The following CELSR3 variants were observed in gnomAD, a reference collection of about 807,000 sequenced individuals.
CELSR3 encodes EGF-like protein 1.
Under a neutral mutation model 270.0 loss-of-function variants are expected in CELSR3, and 73 were observed. The observed-to-expected ratio is 0.27, with a 90% CI of 0.22 to 0.33. CELSR3 has a LOEUF of 0.33. Among genes scored for constraint, CELSR3 ranks in the 10% least tolerant of loss-of-function variants. The pLI, the probability that CELSR3 is intolerant of heterozygous loss-of-function variation, is 1.00. For missense variants in CELSR3, 3,614 were observed against 4,533.8 expected, an observed-to-expected ratio of 0.80 and a Z score of 5.83; for synonymous variants, 1,780 against 1,905.4, an observed-to-expected ratio of 0.93 and a Z score of 1.71.
rs1209811380 is a variant in CELSR3 at position 48,645,856 on chromosome 3, A to C, written c.7476T>G (p.His2492Gln). 6.2e-7 allele frequency: 1 copy of C among 1,601,958 alleles called. No homozygotes were observed. Among genetic ancestry groups the C allele is most frequent in the Admixed American group, 1.7e-5 (1 of 59,860 alleles). ...CGCAGTCCCGTGCTGTCCACACACC[A>C]TGCTGCTCCGCCCTGCAGCCACAGG... The part of the protein sequence containing the change: ...QWDPPGLAEQ[H>Q]GVWTARDCEL... The change falls in exon 23 of 35, where the codon CAT (histidine) becomes CAG (glutamine). Residue 2492 changes from histidine to glutamine, a missense_variant. Physicochemically the swap from His to Gln is conservative, Grantham distance 24 (BLOSUM62 0). Coordinates refer to ENST00000164024, the MANE Select transcript of CELSR3 (RefSeq NM_001407.3). The surrounding 1 kb of genome is among the most constrained non-coding windows in gnomAD (Gnocchi z 5.4).
In CELSR3 at chr3:48,640,382, G is replaced by A; in HGVS notation, c.9203C>T (p.Ser3068Phe). Residue 3068 changes from serine (S) to phenylalanine (F), a missense_variant, in exon 34 of 35, where the codon TCT becomes TTT. Transcript: ENST00000164024. The surrounding 1 kb of genome is among the most constrained non-coding windows in gnomAD (Gnocchi z 7.5). The part of the protein sequence containing the change: ...SLSQPASRYS[S>F]REQLDLLLRR... The stretch of plus-strand genomic sequence containing the variant: ...GAGGAGCAGGTCCAGCTGTTCTCTA[G>A]AAGAGTAGCGGCTGGCTGGCTGTGA... The A allele has an allele frequency of 1.2e-6, 2 of 1,612,770 alleles. No individual in the cohort carries two copies. The highest frequency in any genetic ancestry group is 1.7e-6 in the Non-Finnish European group (2 of 1,179,988).
At position 48,659,593 on chromosome 3, in the gene CELSR3, G is replaced by C; in HGVS notation, c.3042C>G (p.Pro1014=). ...EDGDGDFTIE[P]TSGIVRTVRR... ...TTACTGTACGGACAATTCCAGAGGT[G>C]GGCTCAATGGTAAAATCTCCATCCC... Residue 1014 remains proline (P), a synonymous_variant, in exon 1 of 35, where the codon CCC becomes CCG. Coordinates refer to ENST00000164024, the MANE Select transcript of CELSR3 (RefSeq NM_001407.3). The surrounding 1 kb of genome is among the most constrained non-coding windows in gnomAD (Gnocchi z 8.1). The C allele has an allele frequency of 6.2e-7, 1 of 1,614,162 alleles. No individual in the cohort carries two copies. Among genetic ancestry groups the C allele is most frequent in the South Asian group, 1.1e-5 (1 of 91,086 alleles).
rs2047039604 is a variant in CELSR3, at chr3:48,642,669, C to G, written c.8555+67G>C. 6.4e-7 allele frequency: 1 copy of G among 1,558,084 alleles called. No individual in the cohort carries two copies. On this transcript the variant is annotated intron_variant, in intron 30 of 34. Transcript: ENST00000164024. This position sits in a 1 kb window ranked among gnomAD's most constrained non-coding sequence, Gnocchi z 6.1. ...GCCACCCGCCCTAGGACCTGGTCAG[C>G]CAAGCCCTGGTAAGGTGGGGCTGGA...
Position 48,645,551 on chromosome 3 carries a change from G to A in CELSR3, c.7689C>T (p.Ser2563=). The A allele has an allele frequency of 3.1e-6, 5 of 1,612,678 alleles. No homozygotes were observed. Among genetic ancestry groups the A allele is most frequent in the Non-Finnish European group, 4.2e-6 (5 of 1,179,988 alleles). ...ALVLTAAILL[S]LRSLKSNVRG... ...GCACATTGGACTTGAGGCTGCGCAG[G>A]CTCAGCAGGATGGCTGCAGTCAGCA... is the stretch of plus-strand genomic sequence containing the variant. Residue 2563 remains serine (S), a synonymous_variant, in exon 24 of 35, where the codon AGC becomes AGT. Transcript: ENST00000164024. The surrounding 1 kb of genome is among the most constrained non-coding windows in gnomAD (Gnocchi z 5.4).
intron 19 of CELSR3, 99 bp downstream of exon 19, chr3:48,648,167 T>C (rs2047104494): frequency 7.0e-7 from 1 of 1,423,446 alleles, no homozygotes; most frequent in South Asian, 1.3e-5. Context: ...TCTCCTGCCA[T>C]TAACATTGGC....
rs1575540503 is a variant in CELSR3 at position 48,646,285 on chromosome 3, C to T, written c.7296-28G>A. 22 of 1,591,346 alleles carry T rather than the reference C, an allele frequency of 1.4e-5. No individual in the cohort carries two copies. The East Asian group carries it at 4.5e-4, about 33-fold the overall frequency. Reference sequence around the variant, plus strand: ...GGGGAGACACCCATCTGGGCTTACGCACTGCTGACCTCCCCATGCTCAGCC... The same window carrying T: ...GGGGAGACACCCATCTGGGCTTACGTACTGCTGACCTCCCCATGCTCAGCC... On this transcript the variant is annotated intron_variant, in intron 21 of 34. Coordinates refer to ENST00000164024, the MANE Select transcript of CELSR3 (RefSeq NM_001407.3). The surrounding 1 kb of genome is among the most constrained non-coding windows in gnomAD (Gnocchi z 4.8).
chr3:48,646,114 C>G lies in CELSR3; in HGVS notation c.7439G>C (p.Cys2480Ser). Residue 2480 changes from cysteine (C) to serine (S), a missense_variant, in exon 22 of 35, where the codon TGT becomes TCT. By Grantham distance (112) the Cys-to-Ser change is moderately radical. Transcript: ENST00000164024. The surrounding 1 kb of genome is among the most constrained non-coding windows in gnomAD (Gnocchi z 4.8). The part of the protein sequence containing the change: ...LQTANRSKAI[C>S]VQWDPPGLAE... ...CAGGCCAGGTGGGTCCCACTGCACA[C>G]AGATCGCCTTGCTCCGATTCGCTGT... 6.2e-7 allele frequency: 1 copy of G among 1,612,900 alleles called. No homozygotes were observed. The highest frequency in any genetic ancestry group is 8.5e-7 in the Non-Finnish European group (1 of 1,179,882).
rs779078615 is a variant in CELSR3 at position 48,656,885 on chromosome 3, G to A, written c.4212C>T (p.Ala1404=). 7.5e-6 allele frequency: 12 copies of A among 1,609,332 alleles called. No homozygotes were observed. In the African/African-American group the frequency reaches 1.3e-4, roughly 18 times the overall value. Residue 1404 remains alanine, a synonymous_variant, in exon 2 of 35, where the codon GCC becomes GCT. Transcript: ENST00000164024. ...TGGGTCGGAACAGCGTGGAGGCCGAGGCCAGGAAGGGCGCGGACGAGTCAA... is the reference window on the plus strand; with the variant it reads ...TGGGTCGGAACAGCGTGGAGGCCGAAGCCAGGAAGGGCGCGGACGAGTCAA... ...LRFDSSAPFL[A]SASTLFRPIQ... is the part of the protein sequence containing the mutation.
chr3:48,647,794 G>A, intron 20 of CELSR3, 47 bp downstream of exon 20: 1 of 1,583,852 alleles, frequency 6.3e-7, no homozygotes, highest in Non-Finnish European at 8.6e-7. Flanking sequence ...CTGGTTGGGG[G>A]GACAGAGAGA....
At position 48,646,100 on chromosome 3, in the gene CELSR3, G is replaced by C. The variant is rs768390556; in HGVS notation, c.7453C>G (p.Pro2485Ala). The C allele has an allele frequency of 3.1e-6, 5 of 1,612,686 alleles. No homozygotes were observed. The South Asian group carries it at 5.5e-5, about 18-fold the overall frequency. ...AATGGGGGTCCTCACAGGCCAGGTG[G>C]GTCCCACTGCACACAGATCGCCTTG... is the stretch of plus-strand genomic sequence containing the variant. ...RSKAICVQWD[P>A]PGLAEQHGVW... The change falls in exon 22 of 35, where the codon CCA becomes GCA. Residue 2485 changes from proline to alanine, a missense_variant. Physicochemically the swap from Pro to Ala is conservative, Grantham distance 27. Transcript: ENST00000164024. The surrounding 1 kb of genome is among the most constrained non-coding windows in gnomAD (Gnocchi z 4.8).
At chr3:48,649,906 G>T (rs2047122253) in intron 16 of CELSR3, among the ~76,000 whole-genome samples, 1 of 152,166 alleles carries the variant, frequency 6.6e-6, no homozygotes, top group Admixed American at 6.5e-5. Flanking sequence ...CCACTGCAGA[G>T]ACCTCAAGCA....
chr3:48,645,986 G>A lies in CELSR3; in HGVS notation c.7463+104C>T, dbSNP rs1037966636. The A allele has an allele frequency of 1.8e-5, 29 of 1,576,288 alleles. No homozygotes were observed. Among genetic ancestry groups the A allele is most frequent in the African/African-American group, 2.7e-5 (2 of 74,060 alleles). On this transcript the variant is annotated intron_variant, in intron 22 of 34. Coordinates refer to ENST00000164024, the MANE Select transcript of CELSR3 (RefSeq NM_001407.3). This position sits in a 1 kb window ranked among gnomAD's most constrained non-coding sequence, Gnocchi z 5.4. Reference sequence around the variant, plus strand: ...GGGGTACAGCATTCCTCATGGTCCGGGTTGCACAACAGCACTAGTGGGGGC... The same window carrying A: ...GGGGTACAGCATTCCTCATGGTCCGAGTTGCACAACAGCACTAGTGGGGGC...
chr3:48,656,831 G>A lies in CELSR3; in HGVS notation c.4266C>T (p.Arg1422=). The change falls in exon 2 of 35, where the codon CGC becomes CGT. Residue 1422 remains arginine, a synonymous_variant. Transcript: ENST00000164024. ...PIQPIAGLRC[R]CPPGFTGDFC... ...AGTCTCCCGTGAATCCGGGCGGGCA[G>A]CGGCAGCGCAGGCCAGCGATGGGCT... 6.2e-7 allele frequency: 1 copy of A among 1,608,330 alleles called. No homozygotes were observed. Among genetic ancestry groups the A allele is most frequent in the Non-Finnish European group, 8.5e-7 (1 of 1,177,202 alleles).
rs753332230 is a variant in CELSR3 at position 48,640,278 on chromosome 3, C to A, written c.9307G>T (p.Glu3103Ter). ...CGGCCTGGTGCAGCATCCATGCATT[C>A]CTGGGACCCTGGCCGGCTCAGGGGA... ...LRPLSRPGSQECMDAAPGRLE... is the reference protein window; with the variant it reads ...LRPLSRPGSQ Residue 3103 changes from glutamate (E) to a stop codon, truncating the protein, a stop_gained, in exon 34 of 35, where the codon GAA (glutamate) becomes TAA (stop). Coordinates refer to ENST00000164024, the MANE Select transcript of CELSR3 (RefSeq NM_001407.3). LOFTEE classifies it high-confidence loss of function. The surrounding 1 kb of genome is among the most constrained non-coding windows in gnomAD (Gnocchi z 7.5). 5 of 1,612,866 alleles carry A rather than the reference C, an allele frequency of 3.1e-6. No homozygotes were observed. Among genetic ancestry groups the A allele is most frequent in the Non-Finnish European group, 4.2e-6 (5 of 1,179,994 alleles).
At position 48,646,166 on chromosome 3, in the gene CELSR3, T is replaced by C. The variant is rs2047081902; in HGVS notation, c.7387A>G (p.Ile2463Val). The C allele has an allele frequency of 6.2e-7, 1 of 1,612,712 alleles. No individual in the cohort carries two copies. The highest frequency in any genetic ancestry group is 1.7e-5 in the Admixed American group (1 of 59,980). Residue 2463 changes from isoleucine to valine, a missense_variant, in exon 22 of 35, where the codon ATC becomes GTC. Around this residue, in one of 7 missense-constraint regions of CELSR3, gnomAD observed 1,240 missense variants for 1,351.7 expected, o/e 0.92. Coordinates refer to ENST00000164024, the MANE Select transcript of CELSR3 (RefSeq NM_001407.3). This position sits in a 1 kb window ranked among gnomAD's most constrained non-coding sequence, Gnocchi z 4.8. ...NFLRGILESP[I>V]SLEFRLLQTA... ...TGTAGCAGGCGAAACTCTAGGCTGA[T>C]GGGGGACTCCAGGATTCCCCTTAGG...
chr3:48,642,894 G>T lies in CELSR3; in HGVS notation c.8407-10C>A, dbSNP rs769426790. The stretch of plus-strand genomic sequence containing the variant: ...TGTAGGCCCCAGGTCCCTGGGGGTG[G>T]TAGGGACAGAGTGTGAGCTAACCCT... On this transcript the variant is annotated splice_polypyrimidine_tract_variant and intron_variant, in intron 29 of 34. Transcript: ENST00000164024. The surrounding 1 kb of genome is among the most constrained non-coding windows in gnomAD (Gnocchi z 6.1). 4 of 1,612,602 alleles carry T rather than the reference G, an allele frequency of 2.5e-6. No homozygotes were observed. Among genetic ancestry groups the T allele is most frequent in the African/African-American group, 2.7e-5 (2 of 74,916 alleles).
In CELSR3 at chr3:48,646,205, G is replaced by C; in HGVS notation, c.7348C>G (p.His2450Asp). Residue 2450 changes from histidine (H) to aspartate (D), a missense_variant, in exon 22 of 35, where the codon CAC (histidine) becomes GAC (aspartate). By Grantham distance (81) the His-to-Asp change is moderately conservative. This residue lies in a region of CELSR3 where 1,240 missense variants were observed against 1,351.7 expected (regional missense o/e 0.92). Coordinates refer to ENST00000164024, the MANE Select transcript of CELSR3 (RefSeq NM_001407.3). The surrounding 1 kb of genome is among the most constrained non-coding windows in gnomAD (Gnocchi z 4.8). ...NSPVVSVAVF[H>D]GRNFLRGILE... ...ATTCCCCTTAGGAAGTTGCGTCCGT[G>C]GAACACAGCCACGCTGACCACCGGG... 1 of 1,612,718 alleles carries C rather than the reference G, an allele frequency of 6.2e-7. No individual in the cohort carries two copies. The highest frequency in any genetic ancestry group is 8.5e-7 in the Non-Finnish European group (1 of 1,179,942).
Position 48,650,974 on chromosome 3 carries a change from G to A in CELSR3, c.6288C>T (p.Cys2096=). The A allele has an allele frequency of 6.2e-7, 1 of 1,611,734 alleles. No homozygotes were observed. Among genetic ancestry groups the A allele is most frequent in the Non-Finnish European group, 8.5e-7 (1 of 1,179,664 alleles). ...GGCCAAGGGCTCCTGGGCGACAGGG[G>A]CACTGCCCGCTGTGGGGTGCACATG... ...SRSCAPHSGQ[C]PCRPGALGRQ... Residue 2096 remains cysteine, a synonymous_variant, in exon 15 of 35, where the codon TGC becomes TGT. Transcript: ENST00000164024. This position sits in a 1 kb window ranked among gnomAD's most constrained non-coding sequence, Gnocchi z 5.1.
In CELSR3 at chr3:48,662,134, G is replaced by C. The variant is rs201620882; in HGVS notation, c.501C>G (p.Asn167Lys). 5.0e-6 allele frequency: 8 copies of C among 1,613,088 alleles called. No homozygotes were observed. The change falls in exon 1 of 35, where the codon AAC (asparagine) becomes AAG (lysine). Residue 167 changes from asparagine to lysine, a missense_variant. This residue lies in a region of CELSR3 where 470 missense variants were observed against 469.7 expected (regional missense o/e 1.00). Transcript: ENST00000164024. The surrounding 1 kb of genome is among the most constrained non-coding windows in gnomAD (Gnocchi z 7.1). ...ALSSGVPGSGNSSPLPSDFLI... is the reference protein window; with the variant it reads ...ALSSGVPGSGKSSPLPSDFLI... ...AAAAGTCTGAAGGGAGGGGCGAGCT[G>C]TTCCCCGAGCCCGGGACCCCTGAGG...
Sources: allele counts gnomAD v4.1 joint callset (sites outside exome capture counted in the v4.1 genomes callset), GRCh38; gene constraint gnomAD v4.1.1; regional missense constraint gnomAD v4.1.1; non-coding constraint Gnocchi (gnomAD v3.1); transcripts MANE v1.5; gene names NCBI Gene and HGNC (gene_info 2026-07-23, HGNC 2026-07-21).